Variants in SH3KBP1 observed in about 807,000 individuals in gnomAD.
SH3KBP1 encodes the protein SH3 domain containing kinase binding protein 1, also known as SH3 domain-containing kinase-binding protein 1.
Under a neutral mutation model 50.1 loss-of-function variants are expected in SH3KBP1, and 8 were observed. The ratio of observed to expected loss-of-function variants is 0.16; its 90% confidence interval spans 0.09 to 0.29. The LOEUF (loss-of-function observed/expected upper bound fraction) is 0.29. Ranked by LOEUF, SH3KBP1 falls within the 10% of genes least tolerant of loss-of-function variation. The probability of loss-of-function intolerance (pLI) is 1.00; values close to 1 mark genes in which losing one functional copy is unlikely to be tolerated. For missense variants in SH3KBP1, 377 were observed against 535.2 expected, an observed-to-expected ratio of 0.70 and a Z score of 2.92; for synonymous variants, 227 against 218.6, an observed-to-expected ratio of 1.04 and a Z score of -0.34.
At chrX:19,630,496 A>C (rs1455278376) in intron 8 of SH3KBP1, among the ~76,000 whole-genome samples, 4 of 112,279 alleles carry the variant, frequency 3.6e-5, no homozygotes, top group Non-Finnish European at 5.6e-5. Context: ...TCATTTGCAG[A>C]AAACAACAAG....
chrX:19,684,150 T>C, intron 5 of SH3KBP1, 122 bp from the exon 6 acceptor site: 1 of 512,702 alleles, frequency 2.0e-6, no homozygotes, highest in Non-Finnish European at 3.3e-6. Context: ...TAACTTGCAC[T>C]AGGCTTTTGT....
intron 2 of SH3KBP1, among the ~76,000 whole-genome samples, chrX:19,823,033 G>A (rs1033490454): frequency 1.8e-5 from 2 of 111,660 alleles, no homozygotes; most frequent in African/African-American, 6.5e-5. Flanking sequence ...GACTTCCAAT[G>A]CAGGCAGGGA....
intron 8 of SH3KBP1, among the ~76,000 whole-genome samples, chrX:19,621,046 A>G (rs1339802638): frequency 1.1e-5 from 1 of 90,864 alleles, no homozygotes; most frequent in African/African-American, 4.1e-5. Flanking sequence ...TGGGTGTCCA[A>G]TTGTGCCAAT....
At chrX:19,793,245 T>C (rs1603246939) in intron 2 of SH3KBP1, among the ~76,000 whole-genome samples, 1 of 107,140 alleles carries the variant, frequency 9.3e-6, no homozygotes, top group Admixed American at 1.0e-4. Flanking sequence ...CTACAGTGAG[T>C]TGTGATCACA....
chrX:19,692,659 G>A (rs866266234), intron 5 of SH3KBP1, among the ~76,000 whole-genome samples: 33 of 75,198 alleles, frequency 4.4e-4, no homozygotes, highest in African/African-American at 1.7e-3. Context: ...GTGTGTGTGT[G>A]TGTGTGTGTG....
At chrX:19,886,373 G>A (rs1202967273) in intron 1 of SH3KBP1, among the ~76,000 whole-genome samples, 1 of 112,012 alleles carries the variant, frequency 8.9e-6, no homozygotes, top group Non-Finnish European at 1.9e-5. Flanking sequence ...TAATCTGCCA[G>A]AGGCTGAAAA....
intron 2 of SH3KBP1, among the ~76,000 whole-genome samples, chrX:19,807,751 C>A (rs1048237695): frequency 8.9e-6 from 1 of 112,265 alleles, no homozygotes; most frequent in African/African-American, 3.2e-5. Flanking sequence ...GTGGACAGAG[C>A]TAGGTAAGAT....
At chrX:19,554,442 C>T (rs982939262) in intron 13 of SH3KBP1, among the ~76,000 whole-genome samples, 46 of 89,909 alleles carry the variant, frequency 5.1e-4, no homozygotes, top group Non-Finnish European at 6.9e-4. Context: ...TGCTCTGTCC[C>T]TCAGTCTGCA....
At chrX:19,763,923 GGA>G (rs2065509027) in intron 2 of SH3KBP1, among the ~76,000 whole-genome samples, 2 of 105,788 alleles carry the variant, frequency 1.9e-5, no homozygotes, top group African/African-American at 6.9e-5. Context: ...TCAGGAGGCA[GGA>G]GGACCACCTG....
At chrX:19,582,023 G>T (rs890693663) in intron 12 of SH3KBP1, among the ~76,000 whole-genome samples, 1 of 111,027 alleles carries the variant, frequency 9.0e-6, no homozygotes, top group Non-Finnish European at 1.9e-5. Context: ...AAGTCACTGG[G>T]CCTCCTACCC....
At chrX:19,595,289 G>A (rs2066868590) in intron 9 of SH3KBP1, among the ~76,000 whole-genome samples, 1 of 112,666 alleles carries the variant, frequency 8.9e-6, no homozygotes, top group Admixed American at 9.4e-5. Flanking sequence ...AAAATGGCCT[G>A]AAACCAGCAA....
chrX:19,544,907 A>T (rs2065043567), intron 15 of SH3KBP1, among the ~76,000 whole-genome samples: 2 of 111,883 alleles, frequency 1.8e-5, no homozygotes, highest in Admixed American at 1.9e-4. Context: ...CACTGTAGAG[A>T]CACCCCAGGG....
At position 19,840,891 on chromosome X, in the gene SH3KBP1, G is replaced by A. The variant is rs370842322; in HGVS notation, c.5-4609C>T. On this transcript the variant is annotated intron_variant, in intron 1 of 17. Transcript: ENST00000397821. The stretch of plus-strand genomic sequence containing the variant: ...ATACCACCCTCCAGCTGTGTGCTGT[G>A]CCAAAAGGCCAGCCTCCACAAGTTT... 7.1e-5 allele frequency among the ~76,000 whole-genome samples: 8 copies of A among 112,143 alleles called. No individual in the cohort carries two copies. In the East Asian group the frequency reaches 1.1e-3, roughly 16 times the overall value.
At chrX:19,843,476 G>A (rs1011002827) in intron 1 of SH3KBP1, among the ~76,000 whole-genome samples, 3 of 111,419 alleles carry the variant, frequency 2.7e-5, no homozygotes, top group Non-Finnish European at 3.8e-5. Context: ...GGATCTCCGC[G>A]TACAATAAAG....
rs771188157 is a variant in SH3KBP1, at chrX:19,780,015, A to G, written c.163-33574T>C. 9.9e-5 allele frequency among the ~76,000 whole-genome samples: 11 copies of G among 111,254 alleles called. No individual in the cohort carries two copies. In the East Asian group the frequency reaches 3.2e-3, roughly 32 times the overall value. ...AGTTCTAGATCCCTGAGGAATCGCC[A>G]CACTGACTTCCACAATAGTTGAACT... is the stretch of plus-strand genomic sequence containing the variant. On this transcript the variant is annotated intron_variant, in intron 2 of 17. Transcript: ENST00000397821.
At chrX:19,665,308 A>G (rs1198205386) in intron 6 of SH3KBP1, among the ~76,000 whole-genome samples, 1 of 112,237 alleles carries the variant, frequency 8.9e-6, no homozygotes, top group Admixed American at 9.4e-5. Flanking sequence ...TCTGAGTGAT[A>G]CAGACCTCAA....
chrX:19,718,193 C>A (rs781430098), intron 3 of SH3KBP1, among the ~76,000 whole-genome samples: 1 of 109,000 alleles, frequency 9.2e-6, no homozygotes, highest in Non-Finnish European at 1.9e-5. Context: ...TAACTCTAAG[C>A]AGCATGTAGC....
At chrX:19,757,798 T>C (rs1304983999) in intron 2 of SH3KBP1, among the ~76,000 whole-genome samples, 1 of 111,139 alleles carries the variant, frequency 9.0e-6, no homozygotes, top group Non-Finnish European at 1.9e-5. Flanking sequence ...TCATCATTTT[T>C]CTTGATTGAC....
intron 1 of SH3KBP1, among the ~76,000 whole-genome samples, chrX:19,885,261 G>A (rs2069556208): frequency 8.9e-6 from 1 of 111,953 alleles, no homozygotes; most frequent in Non-Finnish European, 1.9e-5. Context: ...AGAATGAACC[G>A]TTAAATAACT....
Sources: gnomAD v4.1 joint callset for allele counts (sites outside exome capture counted in the v4.1 genomes callset) on GRCh38, gnomAD v4.1.1 for gene constraint, MANE v1.5 for transcripts, NCBI Gene and HGNC (gene_info 2026-07-23, HGNC 2026-07-21) for gene names.